The following PDE4B variants were observed in gnomAD, a reference collection of about 807,000 sequenced individuals.
PDE4B encodes the protein 3',5'-cyclic-AMP phosphodiesterase 4B.
A neutral mutation model predicts 82.2 loss-of-function variants in PDE4B; 20 were observed. That is an observed-to-expected ratio of 0.24 (90% CI 0.17 to 0.35). PDE4B has a LOEUF of 0.35. Ranked by LOEUF, PDE4B falls within the 10% of genes least tolerant of loss-of-function variation. The pLI, the probability that PDE4B is intolerant of heterozygous loss-of-function variation, is 1.00. For synonymous variants in PDE4B, 320 were observed against 318.9 expected, an observed-to-expected ratio of 1.00 and a Z score of -0.04; for missense variants, 655 against 907.2, an observed-to-expected ratio of 0.72 and a Z score of 3.57.
chr1:65,944,302 G>A lies in PDE4B; in HGVS notation c.281+25467G>A, dbSNP rs185920222. ...TGTTGAATCATCCTTGCATCCCTGG[G>A]ATAAATCCAACTTGATTATGGTGAA... On this transcript the variant is annotated intron_variant, in intron 3 of 16. Transcript: ENST00000341517. Among the ~76,000 whole-genome samples, 265 of 151,850 alleles carry A rather than the reference G, an allele frequency of 1.7e-3. 1 individual carries two copies. The highest frequency in any genetic ancestry group is 6.3e-3 in the African/African-American group (260 of 41,452).
intron 1 of PDE4B, among the ~76,000 whole-genome samples, chr1:65,866,887 A>G (rs1436699057): frequency 6.6e-6 from 1 of 152,226 alleles, no homozygotes; most frequent in Non-Finnish European, 1.5e-5. Flanking sequence ...CTAAAATTAT[A>G]AAAATTGTAA....
chr1:66,350,160 G>A (rs1661714371), intron 8 of PDE4B, among the ~76,000 whole-genome samples: 1 of 151,902 alleles, frequency 6.6e-6, no homozygotes, highest in Admixed American at 6.6e-5. Flanking sequence ...TGATGCCCGG[G>A]AATTCTTTTT....
chr1:66,223,552 T>TTCTGAATC (rs1217728870), intron 3 of PDE4B, among the ~76,000 whole-genome samples: 1 of 152,148 alleles, frequency 6.6e-6, no homozygotes, highest in Non-Finnish European at 1.5e-5. Flanking sequence ...GCTGCTGAAA[T>TTCTGAATC]TCTGAATCTG....
chr1:66,265,157 C>G (rs1654942199), intron 6 of PDE4B, among the ~76,000 whole-genome samples: 1 of 152,188 alleles, frequency 6.6e-6, no homozygotes. Flanking sequence ...CCATCCCAGG[C>G]CTACTGAATC....
chr1:66,236,045 A>G (rs1005975026), intron 3 of PDE4B, among the ~76,000 whole-genome samples: 1 of 152,220 alleles, frequency 6.6e-6, no homozygotes, highest in Non-Finnish European at 1.5e-5. Flanking sequence ...GTTAATTTAT[A>G]TCGTAAAAAG....
intron 7 of PDE4B, chr1:66,266,833 C>T (rs1244131497): frequency 2.5e-6 from 1 of 393,902 alleles, no homozygotes; most frequent in Non-Finnish European, 5.1e-6. Context: ...TCTCCTAAAT[C>T]TGTTCCCTAC....
intron 4 of PDE4B, among the ~76,000 whole-genome samples, chr1:66,250,212 C>T (rs572270223): frequency 8.5e-5 from 13 of 152,254 alleles, no homozygotes; most frequent in Non-Finnish European, 1.5e-4. Flanking sequence ...TTTTTGCCTT[C>T]TACCCATAGA....
intron 16 of PDE4B, among the ~76,000 whole-genome samples, chr1:66,370,166 A>G (rs1210848256): frequency 1.3e-5 from 2 of 150,836 alleles, no homozygotes; most frequent in Admixed American, 6.6e-5. Context: ...AAAAAAAAAA[A>G]AAAAAAAAAA....
intron 3 of PDE4B, among the ~76,000 whole-genome samples, chr1:66,013,784 A>T (rs1481987383): frequency 6.6e-6 from 1 of 151,864 alleles, no homozygotes; most frequent in Non-Finnish European, 1.5e-5. Context: ...TCTCTTTGAG[A>T]CTCTACTTTT....
intron 3 of PDE4B, among the ~76,000 whole-genome samples, chr1:66,208,498 C>G (rs926673582): frequency 6.6e-6 from 1 of 152,118 alleles, no homozygotes; most frequent in Non-Finnish European, 1.5e-5. Flanking sequence ...TGGAATGATG[C>G]CTAAAGTAAT....
intron 3 of PDE4B, among the ~76,000 whole-genome samples, chr1:66,089,272 G>A (rs898737851): frequency 3.9e-5 from 6 of 152,082 alleles, no homozygotes; most frequent in Non-Finnish European, 7.4e-5. Flanking sequence ...CATCCGCTAC[G>A]TAGCCGCTAT....
At chr1:66,221,636 C>T (rs1650997487) in intron 3 of PDE4B, among the ~76,000 whole-genome samples, 1 of 152,126 alleles carries the variant, frequency 6.6e-6, no homozygotes, top group Admixed American at 6.5e-5. Context: ...TATTCAAAAC[C>T]AAGTGTCCTC....
intron 1 of PDE4B, among the ~76,000 whole-genome samples, chr1:65,819,504 G>GTTTTTTTTTTT (rs35338207): frequency 8.8e-6 from 1 of 114,174 alleles, no homozygotes; most frequent in African/African-American, 3.0e-5. Flanking sequence ...TTTTTGTTTT[G>GTTTTTTTTTTT]TTTTTTTTTT....
chr1:65,818,186 A>C (rs777877530), intron 1 of PDE4B, among the ~76,000 whole-genome samples: 158 of 152,074 alleles, frequency 1.0e-3, no homozygotes, highest in Non-Finnish European at 1.6e-3. Context: ...CCACACTTAA[A>C]ATTCTTCAGC....
chr1:65,951,761 TGTTTTACCC>T (rs1198848010), intron 3 of PDE4B, among the ~76,000 whole-genome samples: 1 of 152,100 alleles, frequency 6.6e-6, no homozygotes. Flanking sequence ...CTGTTTTACC[TGTTTTACCC>T]CATATATAGA....
At chr1:66,270,132 A>G in intron 7 of PDE4B, among the ~76,000 whole-genome samples, 1 of 152,208 alleles carries the variant, frequency 6.6e-6, no homozygotes, top group East Asian at 1.9e-4. Flanking sequence ...GCAGATACTA[A>G]TGATATCAAA....
chr1:65,990,608 G>A (rs938329084), intron 3 of PDE4B, among the ~76,000 whole-genome samples: 2 of 151,938 alleles, frequency 1.3e-5, no homozygotes, highest in African/African-American at 4.8e-5. Flanking sequence ...CTCAAATAGG[G>A]CAGTTAAAAT....
chr1:66,200,845 C>G (rs1011698107), intron 3 of PDE4B, among the ~76,000 whole-genome samples: 2 of 152,190 alleles, frequency 1.3e-5, no homozygotes, highest in African/African-American at 4.8e-5. Context: ...ATTTCCTTCT[C>G]CTACCTAATT....
intron 3 of PDE4B, among the ~76,000 whole-genome samples, chr1:65,966,338 C>A (rs1314771103): frequency 6.6e-6 from 1 of 152,106 alleles, no homozygotes; most frequent in Non-Finnish European, 1.5e-5. Flanking sequence ...ATACAACTTA[C>A]AAGGTATGTG....
Sources: allele counts gnomAD v4.1 joint callset (sites outside exome capture counted in the v4.1 genomes callset), GRCh38; gene constraint gnomAD v4.1.1; transcripts MANE v1.5; gene names NCBI Gene and HGNC (gene_info 2026-07-23, HGNC 2026-07-21).